OR10D3: variants seen among roughly 807,000 people sequenced by gnomAD.
OR10D3 encodes the protein olfactory receptor family 10 subfamily D member 3.
For missense variants in OR10D3, 286 were observed against 153.7 expected, an observed-to-expected ratio of 1.86 and a Z score of -4.55; for synonymous variants, 100 against 57.6, an observed-to-expected ratio of 1.74 and a Z score of -3.33.
chr11:124,185,209 A>G (rs2137698461), intron 1 of OR10D3, 50 bp from the exon 2 acceptor site: 1 of 638,024 alleles, frequency 1.6e-6, no homozygotes, highest in Non-Finnish European at 2.8e-6. Flanking sequence ...CTTGATTGAC[A>G]GCAAGCCAAG....
chr11:124,184,097 G>A (rs908485822), intron 1 of OR10D3: 1 of 152,316 alleles, frequency 6.6e-6, no homozygotes, highest in South Asian at 2.1e-4. Context: ...GGAATGTAGT[G>A]TAGAGCTTCT....
exon 2 of OR10D3, chr11:124,185,324 C>T: frequency 1.4e-6 from 1 of 703,408 alleles, no homozygotes; most frequent in Non-Finnish European, 2.6e-6. Flanking sequence ...GGGAATCCCA[C>T]ACACAGAGGG....
rs117289525 is a variant in OR10D3, at chr11:124,185,878, T to C, written c.609T>C (p.Val203=). The change falls in exon 2 of 2, where the codon GTT becomes GTC. Residue 203 remains valine, a synonymous_variant. Coordinates refer to ENST00000641351, the Ensembl canonical transcript of OR10D3. ...CCCAGAGGGTGAGCTTCACCAACGTTGGCCTCATATCTCTTGTCTGCTTTC... is the reference window on the plus strand; with the variant it reads ...CCCAGAGGGTGAGCTTCACCAACGTCGGCCTCATATCTCTTGTCTGCTTTC... The C allele has an allele frequency of 2.0e-3, 1,433 of 703,396 alleles. 17 individuals carry two copies. In the East Asian group the frequency reaches 0.023, roughly 12 times the overall value. 43.6% of individuals were successfully genotyped at this position (703,396 alleles called of 1,614,324 possible).
At chr11:124,183,970 A>G (rs1209819683) in intron 1 of OR10D3, among the ~76,000 whole-genome samples, 1 of 152,172 alleles carries the variant, frequency 6.6e-6, no homozygotes, top group Non-Finnish European at 1.5e-5. Context: ...AGAAACTCTA[A>G]ATGAGCCCAT....
exon 2 of OR10D3, chr11:124,186,279 T>C (rs1861225438): frequency 3.2e-6 from 2 of 621,640 alleles, no homozygotes; most frequent in Non-Finnish European, 5.8e-6. Flanking sequence ...CATTCTGGAA[T>C]CTTCATATGT....
exon 2 of OR10D3, chr11:124,185,382 C>T (rs751780159): frequency 2.8e-6 from 2 of 703,168 alleles, no homozygotes; most frequent in South Asian, 3.0e-5. Context: ...TATGCCTGCA[C>T]TCTACTGGGA....
rs555131535 is a variant in OR10D3, at chr11:124,185,150, G to A, written c.-11-109G>A. ...CAAGCAGCCTTTCCATAACTTAGAT[G>A]CAAATCACAGTCACTTAATTGACAA... On this transcript the variant is annotated intron_variant, in intron 1 of 1. Coordinates refer to ENST00000641351, the Ensembl canonical transcript of OR10D3. The A allele has an allele frequency of 9.6e-4, 574 of 599,548 alleles. 1 individual carries two copies. Among genetic ancestry groups the A allele is most frequent in the Non-Finnish European group, 1.4e-3 (468 of 337,406 alleles). 37.1% of individuals were successfully genotyped at this position (599,548 alleles called of 1,614,324 possible). A position where few individuals can be genotyped will look rare whatever the true frequency, so the allele number is the denominator to read the frequency against.
At chr11:124,187,165 T>C (rs1339906558) in exon 2 of OR10D3, 2 of 152,204 alleles carry the variant, frequency 1.3e-5, no homozygotes, top group African/African-American at 4.8e-5. Context: ...TTTCTACCCA[T>C]AACTTTAAAG....
chr11:124,186,335 A>G, exon 2 of OR10D3: 1 of 599,386 alleles, frequency 1.7e-6, no homozygotes, highest in Non-Finnish European at 3.0e-6. Context: ...GATATGGACC[A>G]TTATGCTATA....
Sources: allele counts gnomAD v4.1 joint callset (sites outside exome capture counted in the v4.1 genomes callset), GRCh38; gene constraint gnomAD v4.1.1; transcripts MANE v1.5; gene names NCBI Gene and HGNC (gene_info 2026-07-23, HGNC 2026-07-21).